Variants in SLBP observed in about 807,000 individuals in gnomAD.
SLBP encodes the protein stem-loop histone mRNA binding protein.
Under a neutral mutation model 39.2 loss-of-function variants are expected in SLBP, and 29 were observed. That is an observed-to-expected ratio of 0.74 (90% confidence interval 0.55 to 1.01). The LOEUF (loss-of-function observed/expected upper bound fraction) is 1.01, where lower values mean the gene tolerates loss of function less well. Among genes scored for constraint, SLBP ranks in the 50% least tolerant of loss-of-function variants. The pLI is 0.00. For synonymous variants in SLBP, 129 were observed against 118.7 expected, an observed-to-expected ratio of 1.09 and a Z score of -0.57; for missense variants, 390 against 350.2, an observed-to-expected ratio of 1.11 and a Z score of -0.91.
At chr4:1,700,511 C>A (rs1190487800) in intron 3 of SLBP, among the ~76,000 whole-genome samples, 1 of 150,776 alleles carries the variant, frequency 6.6e-6, no homozygotes, top group East Asian at 1.9e-4. Flanking sequence ...AGGAGTCTAG[C>A]GCAATCTGAC....
Position 1,712,284 on chromosome 4 carries a change from G to A in SLBP, c.-96C>T, listed in dbSNP as rs1716816691. 5 of 755,820 alleles carry A rather than the reference G, an allele frequency of 6.6e-6. No individual in the cohort carries two copies. Among genetic ancestry groups the A allele is most frequent in the Admixed American group, 4.2e-5 (1 of 23,910 alleles). The allele number at this position is 755,820 out of a possible 1,614,324, so 46.8% of individuals were successfully genotyped here. A position where few individuals can be genotyped will look rare whatever the true frequency, so the allele number is the denominator to read the frequency against. On this transcript the variant is annotated 5_prime_UTR_variant, in exon 1 of 8. Transcript: ENST00000489418. ...GTAGAGCAGGGCAGGGCCTGAGGCAGAAACCCGCGTCCCCGCGCCGGCGCT... is the reference window on the plus strand; with the variant it reads ...GTAGAGCAGGGCAGGGCCTGAGGCAAAAACCCGCGTCCCCGCGCCGGCGCT...
At position 1,696,188 on chromosome 4, in the gene SLBP, C is replaced by A; in HGVS notation, c.629+14G>T. 1.3e-6 allele frequency: 2 copies of A among 1,578,654 alleles called. No individual in the cohort carries two copies. The highest frequency in any genetic ancestry group is 1.7e-6 in the Non-Finnish European group (2 of 1,163,020). ...ATCAGAGAATCACAGGACAAGAATG[C>A]AATAAAGACATACATTTCTTGCAAA... On this transcript the variant is annotated intron_variant, in intron 6 of 7. Coordinates refer to ENST00000489418, the MANE Select transcript of SLBP (RefSeq NM_006527.4).
At chr4:1,710,220 A>C (rs1716688747) in intron 2 of SLBP, among the ~76,000 whole-genome samples, 1 of 152,160 alleles carries the variant, frequency 6.6e-6, no homozygotes, top group Non-Finnish European at 1.5e-5. Flanking sequence ...ATGTCCTGGT[A>C]ACTCACTGTG....
intron 3 of SLBP, among the ~76,000 whole-genome samples, chr4:1,702,314 A>G (rs1716357507): frequency 6.6e-6 from 1 of 152,234 alleles, no homozygotes; most frequent in Non-Finnish European, 1.5e-5. Flanking sequence ...CTACCAAGGC[A>G]TACATCCACC....
Position 1,696,307 on chromosome 4 carries a change from A to C in SLBP, c.524T>G (p.Phe175Cys), listed in dbSNP as rs763657435. The change falls in exon 6 of 8, where the codon TTT (phenylalanine) becomes TGT (cysteine). Residue 175 changes from phenylalanine (F) to cysteine (C), a missense_variant. Coordinates refer to ENST00000489418, the MANE Select transcript of SLBP (RefSeq NM_006527.4). Reference sequence around the variant, plus strand: ...CCATGAACGTCGACTATACTTCTTAAATTTATTAGGGGTCTTGGGATGAAT... The same window carrying C: ...CCATGAACGTCGACTATACTTCTTACATTTATTAGGGGTCTTGGGATGAAT... Reference protein sequence around the residue: ...PGIHPKTPNKFKKYSRRSWDQ... With the variant: ...PGIHPKTPNKCKKYSRRSWDQ... The C allele has an allele frequency of 3.7e-6, 6 of 1,600,912 alleles. No individual in the cohort carries two copies. The highest frequency in any genetic ancestry group is 1.1e-5 in the South Asian group (1 of 88,746).
intron 3 of SLBP, among the ~76,000 whole-genome samples, chr4:1,703,101 G>T (rs1425581897): frequency 6.6e-6 from 1 of 152,008 alleles, no homozygotes; most frequent in Non-Finnish European, 1.5e-5. Context: ...GCCAGGCGTG[G>T]TGGCCTGTGC....
Position 1,711,866 on chromosome 4 carries a change from G to GC in SLBP, c.176+7dup. ...CACCGCGCCCCGACCCCCGGGTCCC[G>GC]CGCCCACCTCTCGGGTCTGCGCTCG... On this transcript the variant is annotated splice_region_variant and intron_variant, in intron 2 of 7. Transcript: ENST00000489418. 1 of 1,301,876 alleles carries GC rather than the reference G, an allele frequency of 7.7e-7. No individual in the cohort carries two copies. Among genetic ancestry groups the GC allele is most frequent in the Non-Finnish European group, 9.8e-7 (1 of 1,021,040 alleles). The allele number at this position is 1,301,876 out of a possible 1,614,324, so 80.6% of individuals were successfully genotyped here.
intron 5 of SLBP, among the ~76,000 whole-genome samples, chr4:1,698,137 G>A (rs798722): frequency 0.23 from 34,929 of 151,546 alleles, 4,362 homozygotes; most frequent in Non-Finnish European, 0.28. Context: ...AGAGACAGAC[G>A]GATCACGAGA....
At chr4:1,705,763 A>T (rs1716493499) in intron 2 of SLBP, among the ~76,000 whole-genome samples, 1 of 152,208 alleles carries the variant, frequency 6.6e-6, no homozygotes, top group African/African-American at 2.4e-5. Flanking sequence ...CATGTGTGCT[A>T]ATATGCAGTA....
At chr4:1,696,427 C>T in intron 5 of SLBP, 76 bp from the exon 6 acceptor site, 1 of 1,220,024 alleles carries the variant, frequency 8.2e-7, no homozygotes, top group Non-Finnish European at 1.1e-6. Context: ...ATTAACCAAA[C>T]TATGAGATTA....
rs2854909 is a variant in SLBP at position 1,712,184 on chromosome 4, G to A, written c.5C>T (p.Ala2Val). 2 of 1,247,146 alleles carry A rather than the reference G, an allele frequency of 1.6e-6. No homozygotes were observed. Among genetic ancestry groups the A allele is most frequent in the Non-Finnish European group, 2.0e-6 (2 of 1,001,012 alleles). The allele number at this position is 1,247,146 out of a possible 1,614,324, so 77.3% of individuals were successfully genotyped here. The change falls in exon 1 of 8, where the codon GCC (alanine) becomes GTC (valine). Residue 2 changes from alanine to valine, a missense_variant. Physicochemically the swap from Ala to Val is moderately conservative, Grantham distance 64. Transcript: ENST00000489418. ...CCTCGGCGGGCTTCGCGGGCGGCAG[G>A]CCATGGCAGCACGGGCCGGGCGCGC... is the stretch of plus-strand genomic sequence containing the variant. M[A>V]CRPRSPPRHQ... is the part of the protein sequence containing the mutation.
At chr4:1,694,637 T>C (rs1190455426) in intron 7 of SLBP, 137 bp downstream of exon 7, 2 of 663,594 alleles carry the variant, frequency 3.0e-6, no homozygotes, top group Admixed American at 4.8e-5. Flanking sequence ...GTGATCCGCC[T>C]GCCTTGGCCT....
In SLBP at chr4:1,712,238, G is replaced by C; in HGVS notation, c.-50C>G. The C allele has an allele frequency of 8.6e-7, 1 of 1,165,086 alleles. No homozygotes were observed. Among genetic ancestry groups the C allele is most frequent in the Non-Finnish European group, 1.1e-6 (1 of 910,646 alleles). The allele number at this position is 1,165,086 out of a possible 1,614,324, so 72.2% of individuals were successfully genotyped here. On this transcript the variant is annotated 5_prime_UTR_variant, in exon 1 of 8. Coordinates refer to ENST00000489418, the MANE Select transcript of SLBP (RefSeq NM_006527.4). ...GCAGGGCCGAGGCTGAGGCGGCGGCGGCGCGGGCAGAGAGCGCAGAGTAGA... is the reference window on the plus strand; with the variant it reads ...GCAGGGCCGAGGCTGAGGCGGCGGCCGCGCGGGCAGAGAGCGCAGAGTAGA...
At chr4:1,712,098 G>C in intron 1 of SLBP, 32 bp downstream of exon 1, 1 of 1,227,620 alleles carries the variant, frequency 8.1e-7, no homozygotes. Flanking sequence ...CGGGGCACGC[G>C]CTCCCTCGCC....
In SLBP at chr4:1,712,264, G is replaced by A. The variant is rs1013385323; in HGVS notation, c.-76C>T. On this transcript the variant is annotated 5_prime_UTR_variant, in exon 1 of 8. Transcript: ENST00000489418. The stretch of plus-strand genomic sequence containing the variant: ...GCGCGGGCAGAGAGCGCAGAGTAGA[G>A]CAGGGCAGGGCCTGAGGCAGAAACC... 1.4e-5 allele frequency: 13 copies of A among 926,634 alleles called. No individual in the cohort carries two copies. Among genetic ancestry groups the A allele is most frequent in the Non-Finnish European group, 1.9e-5 (13 of 687,010 alleles). 57.4% of individuals were successfully genotyped at this position (926,634 alleles called of 1,614,324 possible). A position where few individuals can be genotyped will look rare whatever the true frequency, so the allele number is the denominator to read the frequency against.
intron 5 of SLBP, among the ~76,000 whole-genome samples, chr4:1,696,769 G>T (rs932641848): frequency 6.6e-6 from 1 of 151,620 alleles, no homozygotes; most frequent in African/African-American, 2.4e-5. Flanking sequence ...GTGGTGGCCT[G>T]TGCCTGTAAT....
chr4:1,704,225 A>G (rs1453274654), intron 2 of SLBP, among the ~76,000 whole-genome samples: 2 of 152,206 alleles, frequency 1.3e-5, no homozygotes, highest in Admixed American at 6.5e-5. Flanking sequence ...ATGTGTTTAT[A>G]AAGTCATTAA....
At chr4:1,696,106 G>A (rs867673908) in intron 6 of SLBP, 96 bp downstream of exon 6, 2 of 1,065,302 alleles carry the variant, frequency 1.9e-6, no homozygotes, top group Middle Eastern at 2.7e-4. Context: ...GCTGCTGGGG[G>A]ACTTGGCACC....
At chr4:1,696,761 G>A (rs1012390945) in intron 5 of SLBP, among the ~76,000 whole-genome samples, 1 of 151,972 alleles carries the variant, frequency 6.6e-6, no homozygotes, top group Non-Finnish European at 1.5e-5. Context: ...AGCCGGGCGT[G>A]GTGGCCTGTG....
Sources: gnomAD v4.1 joint callset for allele counts (sites outside exome capture counted in the v4.1 genomes callset) on GRCh38, gnomAD v4.1.1 for gene constraint, MANE v1.5 for transcripts, NCBI Gene and HGNC (gene_info 2026-07-23, HGNC 2026-07-21) for gene names.